The following TAX1BP1 variants were observed in gnomAD, a reference collection of about 807,000 sequenced individuals.
TAX1BP1 encodes Tax1 binding protein 1, also known as tax1-binding protein 1.
TAX1BP1 carries 62 observed loss-of-function variants against 97.7 expected under a neutral mutation model. That is an observed-to-expected ratio of 0.63 (90% CI 0.52 to 0.78). The LOEUF (loss-of-function observed/expected upper bound fraction) is 0.78, where lower values mean the gene tolerates loss of function less well. Ranked by LOEUF, TAX1BP1 falls within the 30% of genes least tolerant of loss-of-function variation. The pLI is 0.00. For synonymous variants in TAX1BP1, 340 were observed against 304.2 expected (o/e 1.12, Z -1.23); for missense variants, 867 against 916.1 (o/e 0.95, Z 0.69).
chr7:27,777,912 A>G (rs1190366277), intron 5 of TAX1BP1, among the ~76,000 whole-genome samples: 2 of 152,108 alleles, frequency 1.3e-5, no homozygotes, highest in Non-Finnish European at 2.9e-5. Context: ...TTTAGTTTTC[A>G]GGTGGTAGAG....
intron 5 of TAX1BP1, among the ~76,000 whole-genome samples, chr7:27,775,899 A>G (rs545948785): frequency 1.4e-4 from 21 of 152,082 alleles, no homozygotes; most frequent in Non-Finnish European, 2.9e-4. Flanking sequence ...CCACTTTATG[A>G]TGTCTTTCTT....
chr7:27,799,919 C>G (rs371985464), intron 12 of TAX1BP1, 46 bp from the exon 13 acceptor site: 139 of 1,494,144 alleles, frequency 9.3e-5, no homozygotes, highest in Non-Finnish European at 1.0e-4. Flanking sequence ...GATTTTCACT[C>G]TACATGAATT....
In TAX1BP1 at chr7:27,769,656, C is replaced by G. The variant is rs757284762; in HGVS notation, c.454-20C>G. The G allele has an allele frequency of 3.2e-6, 5 of 1,568,252 alleles. No individual in the cohort carries two copies. In the African/African-American group the frequency reaches 4.1e-5, roughly 13 times the overall value. On this transcript the variant is annotated intron_variant, in intron 4 of 16. Transcript: ENST00000396319. ...AGGATTAAGCAAAAAACTAATTAAT[C>G]TGAGTTTTTTGCTTTATAGTTGAAA...
At chr7:27,767,229 G>A (rs1458998168) in intron 4 of TAX1BP1, among the ~76,000 whole-genome samples, 2 of 151,948 alleles carry the variant, frequency 1.3e-5, no homozygotes, top group Non-Finnish European at 2.9e-5. Flanking sequence ...TCTCAAATTG[G>A]TTCAGTATAC....
chr7:27,793,857 G>A (rs927138095), intron 10 of TAX1BP1, among the ~76,000 whole-genome samples: 4 of 152,168 alleles, frequency 2.6e-5, no homozygotes, highest in African/African-American at 9.7e-5. Flanking sequence ...ATTGAAAGTG[G>A]TACTATAGCT....
At chr7:27,803,879 G>A (rs6462049) in intron 13 of TAX1BP1, among the ~76,000 whole-genome samples, 120,452 of 152,170 alleles carry the variant, frequency 0.79, 48,619 homozygotes, top group African/African-American at 0.95. Flanking sequence ...TGTGAGTTGA[G>A]CTAGTCTCTT....
intron 13 of TAX1BP1, among the ~76,000 whole-genome samples, chr7:27,804,668 TAAC>T (rs1790266558): frequency 6.6e-6 from 1 of 152,212 alleles, no homozygotes; most frequent in Admixed American, 6.5e-5. Context: ...GTACCATTAA[TAAC>T]AGTGAAAAAA....
intron 4 of TAX1BP1, among the ~76,000 whole-genome samples, chr7:27,768,729 C>G (rs1449504948): frequency 1.3e-5 from 2 of 151,828 alleles, no homozygotes; most frequent in Non-Finnish European, 2.9e-5. Flanking sequence ...AATAAATAAA[C>G]TTTTCCTGGC....
At chr7:27,747,123 G>C (rs1167782830) in intron 1 of TAX1BP1, among the ~76,000 whole-genome samples, 1 of 152,142 alleles carries the variant, frequency 6.6e-6, no homozygotes, top group Non-Finnish European at 1.5e-5. Flanking sequence ...CCTTGCCCCA[G>C]TTTTCCCCAT....
rs989143515 is a variant in TAX1BP1, at chr7:27,796,342, T to C, written c.1638+123T>C. 7 of 827,088 alleles carry C rather than the reference T, an allele frequency of 8.5e-6. No homozygotes were observed. In the African/African-American group the frequency reaches 1.3e-4, roughly 15 times the overall value. The allele number at this position is 827,088 out of a possible 1,614,324, so 51.2% of individuals were successfully genotyped here. On this transcript the variant is annotated intron_variant, in intron 12 of 16. Transcript: ENST00000396319. ...TCCATCTCCATATAGTGTTACTTAG[T>C]TTCACTTTGGCTTTTGGGATGATGA...
At chr7:27,820,570 A>C (rs1790937539) in intron 15 of TAX1BP1, among the ~76,000 whole-genome samples, 1 of 152,172 alleles carries the variant, frequency 6.6e-6, no homozygotes, top group Non-Finnish European at 1.5e-5. Context: ...GATTACAGTC[A>C]ATTCATTTTT....
chr7:27,795,235 C>G (rs928835104), intron 11 of TAX1BP1, among the ~76,000 whole-genome samples: 1 of 152,106 alleles, frequency 6.6e-6, no homozygotes, highest in African/African-American at 2.4e-5. Context: ...CATGTATCCT[C>G]TGTAGTACCT....
intron 1 of TAX1BP1, among the ~76,000 whole-genome samples, chr7:27,744,377 G>C (rs779529516): frequency 6.6e-6 from 1 of 152,034 alleles, no homozygotes. Context: ...CGCCCGCCTC[G>C]GCCTCCCAAA....
Position 27,788,839 on chromosome 7 carries a change from A to AATG in TAX1BP1, c.1038+1237_1038+1239dup, listed in dbSNP as rs568442655. Among the ~76,000 whole-genome samples the AATG allele has an allele frequency of 8.5e-5, 13 of 152,104 alleles. No homozygotes were observed. The South Asian group carries it at 2.7e-3, about 32-fold the overall frequency. On this transcript the variant is annotated intron_variant, in intron 8 of 16. Coordinates refer to ENST00000396319, the MANE Select transcript of TAX1BP1 (RefSeq NM_006024.7). ...AGAAACTCTGTTTTTTTTAGTAGGT[A>AATG]ATGGTATTTTGAAACCAAGAACTGG...
At chr7:27,803,528 A>T (rs140027373) in intron 13 of TAX1BP1, among the ~76,000 whole-genome samples, 32 of 152,338 alleles carry the variant, frequency 2.1e-4, no homozygotes, top group African/African-American at 7.0e-4. Context: ...TTTCATAATA[A>T]TACTACAACA....
At chr7:27,791,857 G>GT in intron 8 of TAX1BP1, 149 bp from the exon 9 acceptor site, 3 of 677,116 alleles carry the variant, frequency 4.4e-6, no homozygotes, top group Non-Finnish European at 7.4e-6. Flanking sequence ...TACTTCTTAA[G>GT]TTTTTTGTAG....
intron 15 of TAX1BP1, among the ~76,000 whole-genome samples, chr7:27,819,221 C>A (rs951470407): frequency 2.6e-5 from 4 of 151,698 alleles, no homozygotes; most frequent in African/African-American, 9.7e-5. Flanking sequence ...TAAGGACTTG[C>A]TGACCGTTAA....
At chr7:27,796,705 T>C (rs1285202795) in intron 12 of TAX1BP1, among the ~76,000 whole-genome samples, 2 of 151,812 alleles carry the variant, frequency 1.3e-5, no homozygotes, top group East Asian at 3.9e-4. Flanking sequence ...GTACTAAAAA[T>C]ACAAAAATTA....
At chr7:27,771,068 G>A (rs1263677675) in intron 5 of TAX1BP1, among the ~76,000 whole-genome samples, 1 of 130,694 alleles carries the variant, frequency 7.7e-6, no homozygotes, top group Admixed American at 8.3e-5. Flanking sequence ...CATAATATGT[G>A]CCCTCGATGA....
Sources: gnomAD v4.1 joint callset for allele counts (sites outside exome capture counted in the v4.1 genomes callset) on GRCh38, gnomAD v4.1.1 for gene constraint, MANE v1.5 for transcripts, NCBI Gene and HGNC (gene_info 2026-07-23, HGNC 2026-07-21) for gene names.